The following CALN1 variants were observed in gnomAD, a reference collection of about 807,000 sequenced individuals.
CALN1 encodes the protein calcium-binding protein 8.
Under a neutral mutation model 30.6 loss-of-function variants are expected in CALN1, and 17 were observed. That is an observed-to-expected ratio of 0.56 (90% CI 0.38 to 0.83). CALN1 has a LOEUF of 0.83. Ranked by LOEUF, CALN1 falls within the 40% of genes least tolerant of loss-of-function variation. CALN1 has a pLI of 0.00. For missense variants in CALN1, 291 were observed against 354.9 expected (o/e 0.82, Z 1.45); for synonymous variants, 156 against 131.4 (o/e 1.19, Z -1.28).
At chr7:72,315,054 G>A (rs1800346471) in intron 2 of CALN1, among the ~76,000 whole-genome samples, 1 of 151,860 alleles carries the variant, frequency 6.6e-6, no homozygotes, top group African/African-American at 2.4e-5. Flanking sequence ...GGCAGGCTGA[G>A]GCAGGAGGAT....
chr7:72,359,976 C>CAAAAAAAAAAA (rs750054515), intron 2 of CALN1, among the ~76,000 whole-genome samples: 18,235 of 60,514 alleles, frequency 0.3, 3,151 homozygotes, highest in Non-Finnish European at 0.35. Context: ...GACTCCATCT[C>CAAAAAAAAAAA]AAAAAAAAAA....
chr7:72,169,230 A>G (rs772377662), intron 3 of CALN1, among the ~76,000 whole-genome samples: 1 of 152,152 alleles, frequency 6.6e-6, no homozygotes, highest in African/African-American at 2.4e-5. Context: ...TAAGACAAAA[A>G]AAAAGCTCCA....
intron 2 of CALN1, among the ~76,000 whole-genome samples, chr7:72,361,105 C>CA (rs796628085): frequency 1.3e-5 from 2 of 151,654 alleles, no homozygotes; most frequent in African/African-American, 4.8e-5. Context: ...TTTTTTGTAC[C>CA]AAAAAAATAA....
At chr7:71,886,814 T>C (rs1027690136) in intron 5 of CALN1, among the ~76,000 whole-genome samples, 5 of 150,786 alleles carry the variant, frequency 3.3e-5, no homozygotes, top group South Asian at 2.1e-4. Context: ...TTCTATGTTA[T>C]GGGGTAGCAT....
At chr7:72,212,917 C>T (rs1792517373) in intron 3 of CALN1, among the ~76,000 whole-genome samples, 1 of 152,188 alleles carries the variant, frequency 6.6e-6, no homozygotes, top group South Asian at 2.1e-4. Flanking sequence ...TGCTTGTGGG[C>T]CACCTTCCAC....
chr7:72,359,533 G>C (rs1252282152), intron 2 of CALN1, among the ~76,000 whole-genome samples: 1 of 152,158 alleles, frequency 6.6e-6, no homozygotes, highest in African/African-American at 2.4e-5. Context: ...GTGAGGTATA[G>C]GATATGCAGG....
upstream of CALN1, among the ~76,000 whole-genome samples, chr7:72,447,893 C>T (rs1001788115): frequency 1.3e-5 from 2 of 150,322 alleles, no homozygotes; most frequent in East Asian, 2.0e-4. Flanking sequence ...ACCACACACA[C>T]GTGCCTGCCC....
intron 5 of CALN1, among the ~76,000 whole-genome samples, chr7:71,846,121 C>T (rs1790219541): frequency 6.6e-6 from 1 of 152,174 alleles, no homozygotes; most frequent in South Asian, 2.1e-4. Flanking sequence ...CATAACAAAA[C>T]AACAGCAAAG....
At chr7:72,185,022 C>G (rs749992611) in intron 3 of CALN1, among the ~76,000 whole-genome samples, 5 of 151,918 alleles carry the variant, frequency 3.3e-5, no homozygotes, top group African/African-American at 4.8e-5. Context: ...CCAGGCTGGT[C>G]TCAAATTCCT....
intron 2 of CALN1, among the ~76,000 whole-genome samples, chr7:72,383,337 A>C (rs1221751776): frequency 6.6e-6 from 1 of 152,210 alleles, no homozygotes; most frequent in Non-Finnish European, 1.5e-5. Context: ...AGAAATCTCC[A>C]AACTGCTTTC....
At chr7:71,870,217 T>TA (rs1791841833) in intron 5 of CALN1, among the ~76,000 whole-genome samples, 1 of 152,148 alleles carries the variant, frequency 6.6e-6, no homozygotes, top group Non-Finnish European at 1.5e-5. Context: ...ACCCCGTCTC[T>TA]ACTAAGAATA....
chr7:72,383,622 T>C (rs1190298577), intron 2 of CALN1, among the ~76,000 whole-genome samples: 1 of 152,188 alleles, frequency 6.6e-6, no homozygotes. Context: ...ATGGTCCTTG[T>C]ATAACTACAA....
chr7:72,393,757 T>C (rs1585648745), intron 2 of CALN1, among the ~76,000 whole-genome samples: 2 of 150,930 alleles, frequency 1.3e-5, no homozygotes, highest in Non-Finnish European at 1.5e-5. Flanking sequence ...TTTTTTTTTT[T>C]TTTCTATTTT....
At chr7:72,155,863 T>A (rs576423514) in intron 3 of CALN1, among the ~76,000 whole-genome samples, 1 of 152,272 alleles carries the variant, frequency 6.6e-6, no homozygotes, top group African/African-American at 2.4e-5. Flanking sequence ...ATTCCTTGCC[T>A]CTTCCAGCTC....
At chr7:72,213,195 C>T (rs1317898358) in intron 3 of CALN1, among the ~76,000 whole-genome samples, 1 of 152,234 alleles carries the variant, frequency 6.6e-6, no homozygotes, top group Admixed American at 6.5e-5. Flanking sequence ...TTAAAAACAA[C>T]TAAACATTTG....
chr7:71,897,965 CAAAAAACA>C lies in CALN1; in HGVS notation c.502-87481_502-87474del, dbSNP rs1793616272. Among the ~76,000 whole-genome samples, 18 of 55,146 alleles carry C rather than the reference CAAAAAACA, an allele frequency of 3.3e-4. No individual in the cohort carries two copies. The Admixed American group carries it at 4.5e-3, about 14-fold the overall frequency. The allele number at this position is 55,146 out of a possible 152,430, so 36.2% of individuals were successfully genotyped here. A position where few individuals can be genotyped will look rare whatever the true frequency, so the allele number is the denominator to read the frequency against. ...GCCAAGGAGTAGTGTTGGAAAAAAA[CAAAAAACA>C]AAAAAAAAAAAAAAAAAAAGAGAGA... On this transcript the variant is annotated intron_variant, in intron 5 of 6. Coordinates refer to ENST00000395275, the MANE Select transcript of CALN1 (RefSeq NM_031468.4).
intron 1 of CALN1, among the ~76,000 whole-genome samples, chr7:72,435,118 C>G (rs1363188358): frequency 6.6e-6 from 1 of 151,858 alleles, no homozygotes; most frequent in Non-Finnish European, 1.5e-5. Context: ...GCCTGTAGTC[C>G]TAGCTATTCA....
At chr7:72,430,960 A>T (rs893717226) in intron 1 of CALN1, among the ~76,000 whole-genome samples, 2 of 148,226 alleles carry the variant, frequency 1.3e-5, no homozygotes, top group Non-Finnish European at 3.0e-5. Context: ...AGTGAAGCCA[A>T]GCTATTTTTT....
intron 2 of CALN1, among the ~76,000 whole-genome samples, chr7:72,377,267 G>A (rs1266592995): frequency 6.6e-6 from 1 of 152,074 alleles, no homozygotes; most frequent in Non-Finnish European, 1.5e-5. Flanking sequence ...AGGTCAATTT[G>A]GGGACTCTTG....
Sources: gnomAD v4.1 joint callset for allele counts (sites outside exome capture counted in the v4.1 genomes callset) on GRCh38, gnomAD v4.1.1 for gene constraint, MANE v1.5 for transcripts, NCBI Gene and HGNC (gene_info 2026-07-23, HGNC 2026-07-21) for gene names.